JAML: variants seen among roughly 807,000 people sequenced by gnomAD.
JAML encodes junction adhesion molecule like, also known as junctional adhesion molecule-like.
A neutral mutation model predicts 39.3 loss-of-function variants in JAML; 25 were observed. That is an observed-to-expected ratio of 0.64 (90% CI 0.46 to 0.89). The LOEUF is 0.89. JAML is among the 40% of genes least tolerant of loss of function. The pLI, the probability that JAML is intolerant of heterozygous loss-of-function variation, is 0.00. For missense variants in JAML, 440 were observed against 486.9 expected (o/e 0.90, Z 0.91); for synonymous variants, 162 against 179.2 (o/e 0.90, Z 0.77).
At chr11:118,214,735 G>T in intron 2 of JAML, 89 bp downstream of exon 2, 3 of 1,370,750 alleles carry the variant, frequency 2.2e-6, no homozygotes, top group South Asian at 2.4e-5. Context: ...AAACCCAAGG[G>T]AATCGAAAAT....
intron 4 of JAML, among the ~76,000 whole-genome samples, chr11:118,207,112 A>T (rs1184568628): frequency 6.6e-6 from 1 of 152,246 alleles, no homozygotes; most frequent in Non-Finnish European, 1.5e-5. Context: ...CTATGGAAGG[A>T]ATTATTTTGA....
In JAML at chr11:118,222,014, T is replaced by C. The variant is rs933562790; in HGVS notation, c.-21+2927A>G. Among the ~76,000 whole-genome samples, 6 of 152,184 alleles carry C rather than the reference T, an allele frequency of 3.9e-5. No individual in the cohort carries two copies. Among genetic ancestry groups the C allele is most frequent in the Non-Finnish European group, 7.4e-5 (5 of 68,026 alleles). ...TATTGGCCATTTGTCCTGGCTAAAA[T>C]CTGGTAATAAAAGATTTTTATAGGA... On this transcript the variant is annotated intron_variant, in intron 1 of 9. Transcript: ENST00000356289. The surrounding 1 kb of genome is among the most constrained non-coding windows in gnomAD (Gnocchi z 4.2).
intron 1 of JAML, among the ~76,000 whole-genome samples, chr11:118,224,474 A>G (rs1304008660): frequency 6.6e-6 from 1 of 152,242 alleles, no homozygotes; most frequent in Non-Finnish European, 1.5e-5. Context: ...GCTTCACCAT[A>G]GTAAACTTTT....
chr11:118,217,599 A>G (rs1188289942), intron 1 of JAML, among the ~76,000 whole-genome samples: 1 of 152,206 alleles, frequency 6.6e-6, no homozygotes, highest in Non-Finnish European at 1.5e-5. Flanking sequence ...TTCAATATTA[A>G]AAGATCAGAC....
chr11:118,198,289 C>T (rs949025335), intron 7 of JAML, among the ~76,000 whole-genome samples, 198 bp from the exon 8 acceptor site: 2 of 152,152 alleles, frequency 1.3e-5, no homozygotes, highest in African/African-American at 4.8e-5. Flanking sequence ...AACAAGAAGC[C>T]GTTCTGGAGA....
chr11:118,200,384 A>G (rs771847170), intron 7 of JAML, 90 bp downstream of exon 7: 9 of 1,475,308 alleles, frequency 6.1e-6, no homozygotes, highest in Non-Finnish European at 8.4e-6. Context: ...GAATGGCATA[A>G]GTAGGGCCCT....
intron 4 of JAML, 99 bp from the exon 5 acceptor site, chr11:118,206,090 G>T: frequency 1.0e-6 from 1 of 1,004,846 alleles, no homozygotes; most frequent in Non-Finnish European, 1.6e-6. Flanking sequence ...ACCCTCAGCA[G>T]CAAAAATCGC....
At position 118,195,514 on chromosome 11, in the gene JAML, C is replaced by T. The variant is rs189157547; in HGVS notation, c.1093-1097G>A. 2.7e-3 allele frequency among the ~76,000 whole-genome samples: 416 copies of T among 152,208 alleles called. 2 individuals are homozygous for T. The highest frequency in any genetic ancestry group is 9.7e-3 in the African/African-American group (405 of 41,540). On this transcript the variant is annotated intron_variant, in intron 9 of 9. Coordinates refer to ENST00000356289, the MANE Select transcript of JAML (RefSeq NM_001098526.2). ...AGTCTACAAATAGCACCGTGCTCAT[C>T]GCCAGCTCACTCCTTTTGTCCCTAC...
intron 3 of JAML, among the ~76,000 whole-genome samples, chr11:118,211,184 C>T (rs1045305773): frequency 1.3e-5 from 2 of 152,200 alleles, no homozygotes; most frequent in East Asian, 3.9e-4. Flanking sequence ...GCAGCAGTAT[C>T]GTAACACAAA....
intron 1 of JAML, among the ~76,000 whole-genome samples, chr11:118,217,083 A>C (rs1949152973): frequency 6.6e-6 from 1 of 152,180 alleles, no homozygotes; most frequent in Non-Finnish European, 1.5e-5. Context: ...CGCATGGAGG[A>C]GTAATGACTA....
chr11:118,214,106 C>A (rs2134672481), intron 2 of JAML, among the ~76,000 whole-genome samples: 1 of 152,200 alleles, frequency 6.6e-6, no homozygotes, highest in South Asian at 2.1e-4. Context: ...GAGCAAAGCA[C>A]CTGATTAATT....
rs1338505911 is a variant in JAML at position 118,196,823 on chromosome 11, T to C, written c.1006-2A>G. The C allele has an allele frequency of 2.5e-6, 4 of 1,604,966 alleles. No homozygotes were observed. The highest frequency in any genetic ancestry group is 3.4e-6 in the Non-Finnish European group (4 of 1,171,860). On this transcript the variant is annotated splice_acceptor_variant, in intron 8 of 9. Coordinates refer to ENST00000356289, the MANE Select transcript of JAML (RefSeq NM_001098526.2). LOFTEE classifies it high-confidence loss of function. ...AATTATTGGGGAGTAAATGTGTTTCTAGAGGGGGAAAATGGTACAAAAATT... is the reference window on the plus strand; with the variant it reads ...AATTATTGGGGAGTAAATGTGTTTCCAGAGGGGGAAAATGGTACAAAAATT...
intron 9 of JAML, among the ~76,000 whole-genome samples, chr11:118,196,503 C>G (rs1271582910): frequency 6.6e-6 from 1 of 152,164 alleles, no homozygotes; most frequent in Non-Finnish European, 1.5e-5. Flanking sequence ...CTCTTCACTT[C>G]TTTTCACCAC....
chr11:118,213,418 A>G (rs1197759663), intron 2 of JAML: 12 of 806,518 alleles, frequency 1.5e-5, no homozygotes, highest in Non-Finnish European at 1.8e-5. Flanking sequence ...GAGAGAAGAC[A>G]GTTAACTTCC....
chr11:118,207,780 C>A (rs1390723069), intron 4 of JAML, among the ~76,000 whole-genome samples: 1 of 152,126 alleles, frequency 6.6e-6, no homozygotes, highest in African/African-American at 2.4e-5. Context: ...CCACTAGCCA[C>A]TGGGGGAATA....
rs192429677 is a variant in JAML, at chr11:118,222,623, G to A, written c.-21+2318C>T. On this transcript the variant is annotated intron_variant, in intron 1 of 9. Transcript: ENST00000356289. This position sits in a 1 kb window ranked among gnomAD's most constrained non-coding sequence, Gnocchi z 4.2. Reference sequence around the variant, plus strand: ...GAAACTTTAATCTCTTTTAGGTCACGTGACTCTAATGATTTTTAAACATAA... The same window carrying A: ...GAAACTTTAATCTCTTTTAGGTCACATGACTCTAATGATTTTTAAACATAA... 2.2e-4 allele frequency among the ~76,000 whole-genome samples: 34 copies of A among 152,182 alleles called. No homozygotes were observed. Among genetic ancestry groups the A allele is most frequent in the Non-Finnish European group, 5.9e-5 (4 of 68,014 alleles).
intron 7 of JAML, among the ~76,000 whole-genome samples, chr11:118,199,115 C>T (rs182885180): frequency 2.6e-5 from 4 of 152,306 alleles, no homozygotes; most frequent in East Asian, 1.9e-4. Context: ...TTCACTGAAT[C>T]GTTGCCTTTC....
At chr11:118,197,530 C>G (rs1948684569) in intron 8 of JAML, 1 of 154,458 alleles carries the variant, frequency 6.5e-6, no homozygotes, top group Admixed American at 6.4e-5. Flanking sequence ...AGATCTTAGA[C>G]TATTTCATTT....
At chr11:118,204,536 A>C (rs559032507) in intron 5 of JAML, 1 of 152,234 alleles carries the variant, frequency 6.6e-6, no homozygotes, top group Non-Finnish European at 1.5e-5. Flanking sequence ...TGCTCCTTGC[A>C]TACTGGCTGC....
Sources: allele counts gnomAD v4.1 joint callset (sites outside exome capture counted in the v4.1 genomes callset), GRCh38; gene constraint gnomAD v4.1.1; non-coding constraint Gnocchi (gnomAD v3.1); transcripts MANE v1.5; gene names NCBI Gene and HGNC (gene_info 2026-07-23, HGNC 2026-07-21).